The following WDR19 variants were observed in gnomAD, a reference collection of about 807,000 sequenced individuals.
The protein encoded by WDR19 is WD repeat-containing protein 19.
WDR19 carries 121 observed loss-of-function variants against 180.0 expected under a neutral mutation model. That is an observed-to-expected ratio of 0.67 (90% CI 0.58 to 0.78). WDR19 has a LOEUF of 0.78. Ranked by LOEUF, WDR19 falls within the 30% of genes least tolerant of loss-of-function variation. The pLI, the probability that WDR19 is intolerant of heterozygous loss-of-function variation, is 0.00. For synonymous variants in WDR19, 497 were observed against 540.7 expected, an observed-to-expected ratio of 0.92 and a Z score of 1.12; for missense variants, 1,450 against 1,640.7, an observed-to-expected ratio of 0.88 and a Z score of 2.01.
At chr4:39,234,149 G>A (rs1309816385) in intron 19 of WDR19, among the ~76,000 whole-genome samples, 1 of 152,172 alleles carries the variant, frequency 6.6e-6, no homozygotes, top group Non-Finnish European at 1.5e-5. Flanking sequence ...GTATCTGGCA[G>A]ATAATAACAC....
intron 24 of WDR19, among the ~76,000 whole-genome samples, chr4:39,250,904 A>C (rs886106311): frequency 6.6e-6 from 1 of 152,260 alleles, no homozygotes. Context: ...GGTAGGAAGA[A>C]TCAATATCGT....
Position 39,278,158 on chromosome 4 carries a change from A to T in WDR19, c.3868A>T (p.Thr1290Ser). 1 of 1,607,378 alleles carries T rather than the reference A, an allele frequency of 6.2e-7. No homozygotes were observed. The highest frequency in any genetic ancestry group is 8.5e-7 in the Non-Finnish European group (1 of 1,176,884). ...TGRHMLKDDW[T>S]VCPHCDFPAL... The stretch of plus-strand genomic sequence containing the variant: ...TCGACACATGTTGAAAGATGACTGG[A>T]CGGTGTGTCCACATTGTGACTTCCC... Residue 1290 changes from threonine to serine, a missense_variant, in exon 35 of 37, where the codon ACG becomes TCG. Coordinates refer to ENST00000399820, the MANE Select transcript of WDR19 (RefSeq NM_025132.4).
chr4:39,276,508 TA>T (rs1022055312), intron 33 of WDR19, among the ~76,000 whole-genome samples: 1 of 152,166 alleles, frequency 6.6e-6, no homozygotes, highest in African/African-American at 2.4e-5. Context: ...TAAATTTAGT[TA>T]AAATGGAATA....
At chr4:39,213,456 G>GA in intron 9 of WDR19, among the ~76,000 whole-genome samples, 1 of 152,154 alleles carries the variant, frequency 6.6e-6, no homozygotes, top group Non-Finnish European at 1.5e-5. Flanking sequence ...GCACTGAATG[G>GA]AAAAAAGCCA....
At chr4:39,218,294 A>G (rs993481534) in intron 14 of WDR19, 189 bp downstream of exon 14, 24 of 748,044 alleles carry the variant, frequency 3.2e-5, no homozygotes, top group Non-Finnish European at 4.2e-5. Flanking sequence ...GAAACGTGTC[A>G]TTGGGCAATT....
chr4:39,280,914 G>A (rs1165215013), intron 36 of WDR19, among the ~76,000 whole-genome samples: 1 of 152,126 alleles, frequency 6.6e-6, no homozygotes, highest in Non-Finnish European at 1.5e-5. Context: ...GTGTGAGATA[G>A]GGATGCAGCT....
chr4:39,277,057 C>A lies in WDR19; in HGVS notation c.3754C>A (p.Pro1252Thr). Residue 1252 changes from proline to threonine, a missense_variant, in exon 34 of 37, where the codon CCA becomes ACA. Coordinates refer to ENST00000399820, the MANE Select transcript of WDR19 (RefSeq NM_025132.4). Reference protein sequence around the residue: ...DISEIEEATTPCPFCKFLLPE... With the variant: ...DISEIEEATTTCPFCKFLLPE... ...ATCTGAGATAGAAGAGGCCACGACTCCATGTCCATTCTGCAAATTTCTTCT... is the reference window on the plus strand; with the variant it reads ...ATCTGAGATAGAAGAGGCCACGACTACATGTCCATTCTGCAAATTTCTTCT... 1 of 1,613,962 alleles carries A rather than the reference C, an allele frequency of 6.2e-7. No individual in the cohort carries two copies. The highest frequency in any genetic ancestry group is 1.1e-5 in the South Asian group (1 of 91,068).
chr4:39,192,213 TTA>T (rs1286347144), intron 4 of WDR19, among the ~76,000 whole-genome samples: 12 of 152,244 alleles, frequency 7.9e-5, no homozygotes, highest in Non-Finnish European at 1.2e-4. Flanking sequence ...CTTGTTCTTG[TTA>T]TACAGTTTTC....
intron 14 of WDR19, among the ~76,000 whole-genome samples, chr4:39,224,508 G>A (rs1421477963): frequency 6.6e-6 from 1 of 152,072 alleles, no homozygotes; most frequent in East Asian, 1.9e-4. Flanking sequence ...AGCCTCCCAA[G>A]TAGCTGGGAT....
chr4:39,264,149 G>A (rs1734564528), intron 28 of WDR19, among the ~76,000 whole-genome samples: 1 of 152,154 alleles, frequency 6.6e-6, no homozygotes, highest in South Asian at 2.1e-4. Context: ...AGTTCTGTGA[G>A]TTAGGTGCTA....
At chr4:39,278,764 G>A in intron 36 of WDR19, 101 bp downstream of exon 36, 1 of 573,636 alleles carries the variant, frequency 1.7e-6, no homozygotes, top group South Asian at 3.7e-5. Context: ...AGTGCACCAT[G>A]GAACTTGCCA....
At chr4:39,211,633 A>G (rs1560496827) in intron 9 of WDR19, among the ~76,000 whole-genome samples, 1 of 152,244 alleles carries the variant, frequency 6.6e-6, no homozygotes, top group African/African-American at 2.4e-5. Flanking sequence ...AACATTAACA[A>G]TGAAAACAAA....
chr4:39,248,029 A>G (rs1157121214), intron 24 of WDR19, among the ~76,000 whole-genome samples: 1 of 151,622 alleles, frequency 6.6e-6, no homozygotes, highest in Non-Finnish European at 1.5e-5. Flanking sequence ...CCTCGAGAAG[A>G]GCAACTCCAA....
At chr4:39,189,615 T>G (rs1725936182) in intron 3 of WDR19, 41 bp from the exon 4 acceptor site, 20 of 1,499,570 alleles carry the variant, frequency 1.3e-5, no homozygotes, top group Non-Finnish European at 1.7e-5. Context: ...AATTTTACTT[T>G]AAAAAACTGT....
chr4:39,227,491 T>A (rs1014137701), intron 15 of WDR19, among the ~76,000 whole-genome samples: 1 of 152,218 alleles, frequency 6.6e-6, no homozygotes, highest in Non-Finnish European at 1.5e-5. Context: ...GTGCTAAACC[T>A]GTGCAGAAAA....
Position 39,224,836 on chromosome 4 carries a change from C to G in WDR19, c.1480-48C>G, listed in dbSNP as rs1170480920. The G allele has an allele frequency of 7.0e-6, 10 of 1,427,850 alleles. No homozygotes were observed. In the Admixed American group the frequency reaches 2.0e-4, roughly 29 times the overall value. The allele number at this position is 1,427,850 out of a possible 1,614,324, so 88.4% of individuals were successfully genotyped here. ...TTTAAATGTTGAAAGTTAGGATTTC[C>G]TTGACTACCTTTTATATTTTCATGG... On this transcript the variant is annotated intron_variant, in intron 14 of 36. Coordinates refer to ENST00000399820, the MANE Select transcript of WDR19 (RefSeq NM_025132.4).
At chr4:39,253,000 G>A (rs148638027) in intron 24 of WDR19, 146 bp from the exon 25 acceptor site, 164 of 681,424 alleles carry the variant, frequency 2.4e-4, no homozygotes, top group East Asian at 2.1e-3. Flanking sequence ...GATGGTTCCT[G>A]GTATTTTTCT....
intron 14 of WDR19, among the ~76,000 whole-genome samples, chr4:39,219,927 A>G (rs1328366875): frequency 6.6e-6 from 1 of 152,196 alleles, no homozygotes; most frequent in African/African-American, 2.4e-5. Flanking sequence ...TTTCCACTTT[A>G]GCAAAATAGT....
intron 27 of WDR19, among the ~76,000 whole-genome samples, chr4:39,257,216 T>C (rs1332759551): frequency 2.6e-5 from 4 of 152,122 alleles, no homozygotes; most frequent in Admixed American, 1.3e-4. Context: ...TGAATGAAAA[T>C]AATTAAATCT....
Sources: gnomAD v4.1 joint callset for allele counts (sites outside exome capture counted in the v4.1 genomes callset) on GRCh38, gnomAD v4.1.1 for gene constraint, MANE v1.5 for transcripts, NCBI Gene and HGNC (gene_info 2026-07-23, HGNC 2026-07-21) for gene names.